The following TSHZ2 variants were observed in gnomAD, a reference collection of about 807,000 sequenced individuals.
TSHZ2 encodes the protein teashirt homolog 2.
Under a neutral mutation model 74.4 loss-of-function variants are expected in TSHZ2, and 21 were observed. The ratio of observed to expected loss-of-function variants is 0.28; its 90% CI spans 0.20 to 0.41. The LOEUF (loss-of-function observed/expected upper bound fraction) is 0.41, where lower values mean the gene tolerates loss of function less well. Among genes scored for constraint, TSHZ2 ranks in the 10% least tolerant of loss-of-function variants. TSHZ2 has a pLI of 1.00. For synonymous variants in TSHZ2, 540 were observed against 515.3 expected, an observed-to-expected ratio of 1.05 and a Z score of -0.65; for missense variants, 1,244 against 1,293.5, an observed-to-expected ratio of 0.96 and a Z score of 0.59.
chr20:53,327,118 AC>A (rs1307175414), intron 2 of TSHZ2, among the ~76,000 whole-genome samples: 1 of 152,200 alleles, frequency 6.6e-6, no homozygotes, highest in Non-Finnish European at 1.5e-5. Context: ...CTCAAACCAC[AC>A]CAAGTACACA....
At chr20:53,306,741 G>T (rs919434270) in intron 2 of TSHZ2, among the ~76,000 whole-genome samples, 6 of 152,198 alleles carry the variant, frequency 3.9e-5, no homozygotes, top group African/African-American at 1.4e-4. Context: ...TCTAATTTGG[G>T]TAATGAAATC....
rs939891321 is a variant in TSHZ2 at position 53,493,380 on chromosome 20, C to T, written c.*6245C>T. The T allele has an allele frequency of 6.6e-6, 1 of 152,192 alleles. No homozygotes were observed. The highest frequency in any genetic ancestry group is 2.4e-5 in the African/African-American group (1 of 41,434). The allele number at this position is 152,192 out of a possible 1,614,324, so 9.4% of individuals were successfully genotyped here. On this transcript the variant is annotated 3_prime_UTR_variant, in exon 3 of 3. Transcript: ENST00000371497. The stretch of plus-strand genomic sequence containing the variant: ...AACCAACTTCCTAATTCAGAGTTTT[C>T]CTTTTAAAGGCATGCTTTACCCCCA...
chr20:53,428,612 C>CT (rs1213310490), intron 2 of TSHZ2, among the ~76,000 whole-genome samples: 3 of 152,204 alleles, frequency 2.0e-5, no homozygotes, highest in African/African-American at 7.2e-5. Context: ...TGGCATTACA[C>CT]TTTAATTTTC....
At chr20:53,072,088 C>G (rs1044629749) in intron 1 of TSHZ2, among the ~76,000 whole-genome samples, 23 of 152,276 alleles carry the variant, frequency 1.5e-4, no homozygotes, top group Admixed American at 1.4e-3. Flanking sequence ...ATGTCAGTCG[C>G]GCGGAGGCTG....
intron 2 of TSHZ2, among the ~76,000 whole-genome samples, chr20:53,344,216 CATCA>C (rs1171836054): frequency 6.5e-5 from 9 of 138,090 alleles, no homozygotes; most frequent in African/African-American, 2.4e-4. Flanking sequence ...TCCTCCTCAT[CATCA>C]TCATCATCAT....
intron 1 of TSHZ2, among the ~76,000 whole-genome samples, chr20:53,014,272 C>T (rs1266096530): frequency 2.0e-5 from 3 of 151,894 alleles, no homozygotes; most frequent in Non-Finnish European, 4.4e-5. Flanking sequence ...GCACTAATAC[C>T]AACCTGAGGA....
chr20:53,003,202 G>A (rs1231467425), intron 1 of TSHZ2, among the ~76,000 whole-genome samples: 1 of 151,842 alleles, frequency 6.6e-6, no homozygotes, highest in East Asian at 1.9e-4. Context: ...CATCCTGCCT[G>A]TCTACCTGGG....
chr20:53,046,621 G>C (rs749807657), intron 1 of TSHZ2, among the ~76,000 whole-genome samples: 1 of 151,972 alleles, frequency 6.6e-6, no homozygotes, highest in South Asian at 2.1e-4. Context: ...TTCTGCAAAT[G>C]AGTTAGTATT....
At chr20:53,190,132 TA>T (rs1988701772) in intron 1 of TSHZ2, among the ~76,000 whole-genome samples, 3 of 101,232 alleles carry the variant, frequency 3.0e-5, no homozygotes, top group African/African-American at 1.1e-4. Context: ...TATATATATA[TA>T]TATATTTTCT....
chr20:53,352,051 C>G (rs985116740), intron 2 of TSHZ2, among the ~76,000 whole-genome samples: 1 of 152,090 alleles, frequency 6.6e-6, no homozygotes, highest in Non-Finnish European at 1.5e-5. Context: ...AAATTGTTCA[C>G]TCTATAAGAT....
intron 1 of TSHZ2, among the ~76,000 whole-genome samples, chr20:53,011,347 T>A (rs747707371): frequency 6.6e-6 from 1 of 152,238 alleles, no homozygotes; most frequent in Non-Finnish European, 1.5e-5. Context: ...TCACTTTTAA[T>A]GCCCATAACA....
chr20:53,302,582 T>C (rs909088963), intron 2 of TSHZ2, among the ~76,000 whole-genome samples: 13 of 152,198 alleles, frequency 8.5e-5, no homozygotes, highest in South Asian at 6.2e-4. Flanking sequence ...AGAATGGGTA[T>C]TAACAGTGTT....
intron 1 of TSHZ2, among the ~76,000 whole-genome samples, chr20:53,140,323 G>A (rs1342749659): frequency 1.3e-5 from 2 of 151,750 alleles, no homozygotes; most frequent in African/African-American, 4.8e-5. Context: ...GGCAGATCAC[G>A]AGGTCAGGAG....
chr20:53,365,460 G>A (rs1474247985), intron 2 of TSHZ2, among the ~76,000 whole-genome samples: 1 of 152,154 alleles, frequency 6.6e-6, no homozygotes. Flanking sequence ...TTTGGGGATG[G>A]GGGAGGTCAT....
chr20:53,238,631 A>G (rs1349197962), intron 1 of TSHZ2, among the ~76,000 whole-genome samples: 1 of 152,156 alleles, frequency 6.6e-6, no homozygotes, highest in East Asian at 1.9e-4. Flanking sequence ...ACACACAGAC[A>G]TAAACACACA....
At chr20:53,095,813 C>T (rs1273282970) in intron 1 of TSHZ2, among the ~76,000 whole-genome samples, 1 of 152,096 alleles carries the variant, frequency 6.6e-6, no homozygotes, top group Non-Finnish European at 1.5e-5. Flanking sequence ...GGAGCCAAAA[C>T]GGCCCCCAGT....
chr20:52,999,622 A>G (rs369538356), intron 1 of TSHZ2, among the ~76,000 whole-genome samples: 5 of 152,102 alleles, frequency 3.3e-5, no homozygotes, highest in African/African-American at 1.2e-4. Context: ...AGAGATTGGG[A>G]TTTCCTACCC....
At chr20:53,149,767 A>G (rs982946540) in intron 1 of TSHZ2, among the ~76,000 whole-genome samples, 2 of 152,242 alleles carry the variant, frequency 1.3e-5, no homozygotes, top group African/African-American at 4.8e-5. Flanking sequence ...AGAGGGTCCC[A>G]ATAAATCACG....
intron 1 of TSHZ2, among the ~76,000 whole-genome samples, chr20:53,146,541 C>T (rs566279513): frequency 2.6e-5 from 4 of 152,162 alleles, no homozygotes; most frequent in Non-Finnish European, 5.9e-5. Context: ...TCTTTTGAAA[C>T]TGGTATATCT....
Sources: allele counts gnomAD v4.1 joint callset (sites outside exome capture counted in the v4.1 genomes callset), GRCh38; gene constraint gnomAD v4.1.1; transcripts MANE v1.5; gene names NCBI Gene and HGNC (gene_info 2026-07-23, HGNC 2026-07-21).